ANKRD20A1: variants seen among roughly 807,000 people sequenced by gnomAD.
ANKRD20A1 encodes the protein ankyrin repeat domain-containing protein 20A1.
ANKRD20A1 carries 2 observed loss-of-function variants against 50.9 expected under a neutral mutation model. The observed-to-expected ratio is 0.04, with a 90% CI of 0.02 to 0.12. The LOEUF (loss-of-function observed/expected upper bound fraction) is 0.12. Among genes scored for constraint, ANKRD20A1 ranks in the 10% least tolerant of loss-of-function variants. The pLI is 1.00. For synonymous variants in ANKRD20A1, 10 were observed against 186.2 expected (o/e 0.05, Z 7.70); for missense variants, 31 against 548.1 (o/e 0.06, Z 9.42).
intron 6 of ANKRD20A1, among the ~76,000 whole-genome samples, chr9:67,871,560 C>T (rs1351147754): frequency 7.3e-6 from 1 of 137,486 alleles, no homozygotes. Context: ...TTGTATGTTT[C>T]CTCTATAGTC....
intron 6 of ANKRD20A1, among the ~76,000 whole-genome samples, chr9:67,873,415 TA>T (rs1827687475): frequency 6.6e-6 from 1 of 152,300 alleles, no homozygotes; most frequent in African/African-American, 2.4e-5. Context: ...TGGATAGATA[TA>T]GAAATACAAG....
intron 1 of ANKRD20A1, chr9:67,860,430 A>G: frequency 2.1e-5 from 1 of 47,846 alleles, no homozygotes; most frequent in East Asian, 4.0e-4. Context: ...TATATCAGTT[A>G]TATATACACA....
Position 67,881,010 on chromosome 9 carries a change from A to C in ANKRD20A1, c.894+465A>C, listed in dbSNP as rs1827784726. Among the ~76,000 whole-genome samples the C allele has an allele frequency of 2.2e-5, 3 of 138,166 alleles. No homozygotes were observed. In the South Asian group the frequency reaches 7.5e-4, roughly 34 times the overall value. The allele number at this position is 138,166 out of a possible 152,430, so 90.6% of individuals were successfully genotyped here. The stretch of plus-strand genomic sequence containing the variant: ...GTGGCAAGAATATTCAGCACATAGC[A>C]TATAGCTTTTGTTCTTGGAAACTTA... On this transcript the variant is annotated intron_variant, in intron 8 of 14. Transcript: ENST00000562196.
chr9:67,881,062 G>A (rs1396947813), intron 8 of ANKRD20A1, among the ~76,000 whole-genome samples: 6 of 149,186 alleles, frequency 4.0e-5, no homozygotes, highest in Non-Finnish European at 8.9e-5. Context: ...TTGTTTTTAC[G>A]AGAGATTGTT....
chr9:67,861,774 G>T (rs1827503793), intron 1 of ANKRD20A1, among the ~76,000 whole-genome samples: 1 of 10,782 alleles, frequency 9.3e-5, no homozygotes, highest in Admixed American at 7.6e-4. Flanking sequence ...AGTCTTATTT[G>T]CATATATTTT....
intron 8 of ANKRD20A1, among the ~76,000 whole-genome samples, chr9:67,882,905 C>A (rs1184292292): frequency 1.6e-4 from 24 of 150,886 alleles, no homozygotes; most frequent in Admixed American, 1.3e-3. Context: ...TTTGTCCTTG[C>A]GATAGTTTGC....
chr9:67,871,857 A>T lies in ANKRD20A1; in HGVS notation c.793+645A>T, dbSNP rs1488126495. On this transcript the variant is annotated intron_variant, in intron 6 of 14. Transcript: ENST00000562196. ...ATATACTGTGTTCGTACAATAAAATAAGCTAGAGAAATGAAGCTGTTAGAA... is the reference window on the plus strand; with the variant it reads ...ATATACTGTGTTCGTACAATAAAATTAGCTAGAGAAATGAAGCTGTTAGAA... Among the ~76,000 whole-genome samples the T allele has an allele frequency of 1.1e-3, 153 of 143,382 alleles. 1 individual carries two copies. The East Asian group carries it at 0.016, about 15-fold the overall frequency. 94.1% of individuals were successfully genotyped at this position (143,382 alleles called of 152,430 possible).
rs1164595954 is a variant in ANKRD20A1, at chr9:67,894,611, C to T, written c.1152+1105C>T. Among the ~76,000 whole-genome samples the T allele has an allele frequency of 3.2e-5, 3 of 92,526 alleles. 1 individual carries two copies. Among genetic ancestry groups the T allele is most frequent in the Non-Finnish European group, 2.4e-5 (1 of 41,088 alleles). The allele number at this position is 92,526 out of a possible 152,430, so 60.7% of individuals were successfully genotyped here. Reference sequence around the variant, plus strand: ...TTACAATCCCATAATTTAAGGGTGGCAACACATAGATTAAGTTTCACAGTT... The same window carrying T: ...TTACAATCCCATAATTTAAGGGTGGTAACACATAGATTAAGTTTCACAGTT... On this transcript the variant is annotated intron_variant, in intron 12 of 14. Transcript: ENST00000562196.
intron 8 of ANKRD20A1, among the ~76,000 whole-genome samples, chr9:67,881,819 T>C (rs1435703036): frequency 5.9e-5 from 9 of 151,478 alleles, no homozygotes; most frequent in African/African-American, 2.2e-4. Context: ...CCACTCAAAG[T>C]CCTCATATCA....
chr9:67,892,724 C>A (rs1433679850), intron 11 of ANKRD20A1, among the ~76,000 whole-genome samples: 1 of 126,240 alleles, frequency 7.9e-6, no homozygotes, highest in South Asian at 2.7e-4. Flanking sequence ...CTCCTGGGCT[C>A]GAGGGATCTT....
intron 11 of ANKRD20A1, among the ~76,000 whole-genome samples, chr9:67,890,936 A>C (rs1827938652): frequency 9.5e-6 from 1 of 105,028 alleles, no homozygotes; most frequent in Admixed American, 1.2e-4. Context: ...ACCTATGCAA[A>C]TGACTTGTTT....
chr9:67,884,903 C>T (rs1279419688), intron 9 of ANKRD20A1, among the ~76,000 whole-genome samples: 1 of 148,280 alleles, frequency 6.7e-6, no homozygotes, highest in Admixed American at 7.0e-5. Context: ...AAAAACAAAA[C>T]AAAAAAAGTC....
At chr9:67,860,059 C>T (rs1416730231) in intron 1 of ANKRD20A1, among the ~76,000 whole-genome samples, 1 of 13,874 alleles carries the variant, frequency 7.2e-5, no homozygotes, top group Non-Finnish European at 1.4e-4. Context: ...TCATTATATT[C>T]TTTTTTTTTT....
At position 67,882,391 on chromosome 9, in the gene ANKRD20A1, A is replaced by G. The variant is rs1827815713; in HGVS notation, c.894+1846A>G. Among the ~76,000 whole-genome samples the G allele has an allele frequency of 2.1e-5, 3 of 145,524 alleles. No homozygotes were observed. In the South Asian group the frequency reaches 6.7e-4, roughly 32 times the overall value. On this transcript the variant is annotated intron_variant, in intron 8 of 14. Transcript: ENST00000562196. The stretch of plus-strand genomic sequence containing the variant: ...AATAATTAAATATTGTATTTAAAAT[A>G]TTGCTTACATTGTATTTTTTAATAT...
chr9:67,882,785 C>G (rs559028343), intron 8 of ANKRD20A1, among the ~76,000 whole-genome samples: 79 of 147,624 alleles, frequency 5.4e-4, no homozygotes, highest in Admixed American at 3.0e-3. Flanking sequence ...TATCCCTCCC[C>G]CCTTGTCCGC....
chr9:67,881,575 T>C (rs1827796623), intron 8 of ANKRD20A1, among the ~76,000 whole-genome samples: 1 of 152,256 alleles, frequency 6.6e-6, no homozygotes, highest in African/African-American at 2.4e-5. Flanking sequence ...AAGATCAGCC[T>C]GGCCAACGTG....
intron 4 of ANKRD20A1, among the ~76,000 whole-genome samples, chr9:67,867,649 G>A (rs1327568573): frequency 6.7e-6 from 1 of 148,696 alleles, no homozygotes; most frequent in Non-Finnish European, 1.5e-5. Flanking sequence ...AAAGGGTTTT[G>A]TATTAGTTTT....
chr9:67,866,216 TTAAG>T (rs1382863579), intron 3 of ANKRD20A1, among the ~76,000 whole-genome samples: 5 of 144,716 alleles, frequency 3.5e-5, no homozygotes, highest in African/African-American at 1.2e-4. Flanking sequence ...AAAAATAATT[TTAAG>T]TAGCCATTTA....
At chr9:67,882,852 G>C (rs1490651343) in intron 8 of ANKRD20A1, among the ~76,000 whole-genome samples, 1 of 149,962 alleles carries the variant, frequency 6.7e-6, no homozygotes. Flanking sequence ...TGTTCTCATT[G>C]TTCAATTTCC....
Sources: allele counts gnomAD v4.1 joint callset (sites outside exome capture counted in the v4.1 genomes callset), GRCh38; gene constraint gnomAD v4.1.1; transcripts MANE v1.5; gene names NCBI Gene and HGNC (gene_info 2026-07-23, HGNC 2026-07-21).